CHD3: variants seen among roughly 807,000 people sequenced by gnomAD.
CHD3 encodes the protein chromodomain helicase DNA binding protein 3.
Under a neutral mutation model 248.9 loss-of-function variants are expected in CHD3, and 52 were observed. The observed-to-expected ratio is 0.21, with a 90% CI of 0.17 to 0.26. The LOEUF is 0.26. CHD3 is among the 10% of genes least tolerant of loss of function. The pLI, the probability that CHD3 is intolerant of heterozygous loss-of-function variation, is 1.00. For synonymous variants in CHD3, 985 were observed against 985.2 expected (o/e 1.00, Z 0.00); for missense variants, 1,482 against 2,605.8 (o/e 0.57, Z 9.39).
chr17:7,897,317 G>T lies in CHD3; in HGVS notation c.1919+23G>T, dbSNP rs1969806290. ...CAGGTGAATCCTCGGTCCCTGGGAA[G>T]TCAGACCTGGTATATGACATTATTC... On this transcript the variant is annotated intron_variant, in intron 11 of 39. Coordinates refer to ENST00000330494, the MANE Select transcript of CHD3 (RefSeq NM_001005273.3). The surrounding 1 kb of genome is among the most constrained non-coding windows in gnomAD (Gnocchi z 4.8). The T allele has an allele frequency of 6.3e-7, 1 of 1,585,142 alleles. No homozygotes were observed. Among genetic ancestry groups the T allele is most frequent in the South Asian group, 1.1e-5 (1 of 90,502 alleles).
In CHD3 at chr17:7,907,701, A is replaced by T; in HGVS notation, c.5025A>T (p.Arg1675Ser). ...PEGETGDLGKREDVKGDRELR... is the reference protein window; with the variant it reads ...PEGETGDLGKSEDVKGDRELR... The stretch of plus-strand genomic sequence containing the variant: ...GGGAAACAGGGGATTTGGGCAAGAG[A>T]GGTAATGGGTGGAAGGGACCGGACA... The change falls in exon 33 of 40, where the codon AGA (arginine) becomes AGT (serine). Residue 1675 changes from arginine to serine, a missense_variant and splice_region_variant. By Grantham distance (110) the Arg-to-Ser change is moderately radical. Coordinates refer to ENST00000330494, the MANE Select transcript of CHD3 (RefSeq NM_001005273.3). The surrounding 1 kb of genome is among the most constrained non-coding windows in gnomAD (Gnocchi z 4.3). The T allele has an allele frequency of 6.5e-7, 1 of 1,529,586 alleles. No homozygotes were observed. The highest frequency in any genetic ancestry group is 8.7e-7 in the Non-Finnish European group (1 of 1,144,028). 94.8% of individuals were successfully genotyped at this position (1,529,586 alleles called of 1,614,324 possible).
upstream of CHD3, among the ~76,000 whole-genome samples, chr17:7,886,405 C>CT (rs1967957519): frequency 6.6e-6 from 1 of 152,240 alleles, no homozygotes; most frequent in Non-Finnish European, 1.5e-5. This position sits in a 1 kb window ranked among gnomAD's most constrained non-coding sequence, Gnocchi z 4.2. Flanking sequence ...GGGCCTCTGG[C>CT]TGCCATGCGG....
In CHD3 at chr17:7,907,722, G is replaced by C. The variant is rs202073230; in HGVS notation, c.5026+20G>C. On this transcript the variant is annotated intron_variant, in intron 33 of 39. Coordinates refer to ENST00000330494, the MANE Select transcript of CHD3 (RefSeq NM_001005273.3). The surrounding 1 kb of genome is among the most constrained non-coding windows in gnomAD (Gnocchi z 4.3). Reference sequence around the variant, plus strand: ...AGAGAGGTAATGGGTGGAAGGGACCGGACACCTGGGTCCCAGAGGGCATCA... The same window carrying C: ...AGAGAGGTAATGGGTGGAAGGGACCCGACACCTGGGTCCCAGAGGGCATCA... 3 of 1,517,318 alleles carry C rather than the reference G, an allele frequency of 2.0e-6. No homozygotes were observed. The East Asian group carries it at 7.2e-5, about 36-fold the overall frequency. The allele number at this position is 1,517,318 out of a possible 1,614,324, so 94.0% of individuals were successfully genotyped here.
rs1001903950 is a variant in CHD3 at position 7,909,595 on chromosome 17, C to A, written c.5590+257C>A. ...AGGGACCTGCCCCAGCCTCTGTGTC[C>A]CCTCCACACAGTGGGGCCTCTTCAC... On this transcript the variant is annotated intron_variant, in intron 37 of 39. Transcript: ENST00000330494. The surrounding 1 kb of genome is among the most constrained non-coding windows in gnomAD (Gnocchi z 8.1). The A allele has an allele frequency of 7.4e-6, 4 of 540,786 alleles. No individual in the cohort carries two copies. In the East Asian group the frequency reaches 1.3e-4, roughly 17 times the overall value. The allele number at this position is 540,786 out of a possible 1,614,324, so 33.5% of individuals were successfully genotyped here.
At position 7,906,328 on chromosome 17, in the gene CHD3, G is replaced by A; in HGVS notation, c.4359-225G>A. 1 of 676,354 alleles carries A rather than the reference G, an allele frequency of 1.5e-6. No homozygotes were observed. Among genetic ancestry groups the A allele is most frequent in the Non-Finnish European group, 2.6e-6 (1 of 379,066 alleles). The allele number at this position is 676,354 out of a possible 1,614,324, so 41.9% of individuals were successfully genotyped here. On this transcript the variant is annotated intron_variant, in intron 28 of 39. Transcript: ENST00000330494. This position sits in a 1 kb window ranked among gnomAD's most constrained non-coding sequence, Gnocchi z 5.0. ...TGAAGAGCTGACTGATGGGGCCCAG[G>A]AATTAAGTACCAAGGCCAAAGGGAA...
Position 7,909,248 on chromosome 17 carries a change from G to A in CHD3, c.5500G>A (p.Ala1834Thr), listed in dbSNP as rs755801203. The A allele has an allele frequency of 9.1e-5, 142 of 1,553,492 alleles. No homozygotes were observed. The highest frequency in any genetic ancestry group is 1.2e-4 in the Non-Finnish European group (134 of 1,149,810). Reference protein sequence around the residue: ...HPAMALHARFAEAECLAESHQ... With the variant: ...HPAMALHARFTEAECLAESHQ... Reference sequence around the variant, plus strand: ...CGCCATGGCCCTCCACGCCCGCTTCGCCGAGGCCGAGTGCCTGGCCGAGAG... The same window carrying A: ...CGCCATGGCCCTCCACGCCCGCTTCACCGAGGCCGAGTGCCTGGCCGAGAG... The change falls in exon 37 of 40, where the codon GCC (alanine) becomes ACC (threonine). Residue 1834 changes from alanine (A) to threonine (T), a missense_variant. Around this residue, in one of 20 missense-constraint regions of CHD3, gnomAD observed 83 missense variants for 181.0 expected, o/e 0.46. Coordinates refer to ENST00000330494, the MANE Select transcript of CHD3 (RefSeq NM_001005273.3). The surrounding 1 kb of genome is among the most constrained non-coding windows in gnomAD (Gnocchi z 8.1).
Position 7,910,860 on chromosome 17 carries a change from G to C in CHD3, c.5768G>C (p.Gly1923Ala). 6.2e-7 allele frequency: 1 copy of C among 1,605,596 alleles called. No homozygotes were observed. Residue 1923 changes from glycine to alanine, a missense_variant, in exon 39 of 40, where the codon GGT (glycine) becomes GCT (alanine). Physicochemically the swap from Gly to Ala is moderately conservative, Grantham distance 60. Coordinates refer to ENST00000330494, the MANE Select transcript of CHD3 (RefSeq NM_001005273.3). This position sits in a 1 kb window ranked among gnomAD's most constrained non-coding sequence, Gnocchi z 4.7. ...TCTCTGTTCCAGGCCTACCCGCCGG[G>C]TCCCTACGCTACACCTCCGGGGTAC... The part of the protein sequence containing the change: ...EPHPTPAYPP[G>A]PYATPPGYGA...
chr17:7,890,467 A>G (rs953247007), intron 2 of CHD3, 104 bp from the exon 3 acceptor site: 41 of 798,830 alleles, frequency 5.1e-5, no homozygotes, highest in African/African-American at 3.6e-4. Flanking sequence ...TTACTATCAC[A>G]GGATTGTTGT....
At position 7,889,911 on chromosome 17, in the gene CHD3, C is replaced by A; in HGVS notation, c.213+135C>A. ...AGGGAGGCTTGATCCCCCGGGCCCC[C>A]CACTTCCCTGCCACTGTTGGCCTGT... is the stretch of plus-strand genomic sequence containing the variant. On this transcript the variant is annotated intron_variant, in intron 2 of 39. Transcript: ENST00000330494. The surrounding 1 kb of genome is among the most constrained non-coding windows in gnomAD (Gnocchi z 4.5). The A allele has an allele frequency of 1.3e-6, 1 of 789,962 alleles. No individual in the cohort carries two copies. The highest frequency in any genetic ancestry group is 2.0e-6 in the Non-Finnish European group (1 of 490,326). The allele number at this position is 789,962 out of a possible 1,614,324, so 48.9% of individuals were successfully genotyped here.
At chr17:7,886,521 C>T (rs1967976102), upstream of CHD3, among the ~76,000 whole-genome samples, 1 of 152,178 alleles carries the variant, frequency 6.6e-6, no homozygotes. This position sits in a 1 kb window ranked among gnomAD's most constrained non-coding sequence, Gnocchi z 4.2. Flanking sequence ...GCCGAGACGA[C>T]CTTTGGGGGA....
In CHD3 at chr17:7,899,650, T is replaced by G. The variant is rs28391687; in HGVS notation, c.2544+107T>G. The G allele has an allele frequency of 0.048, 56,854 of 1,185,748 alleles. 1,594 individuals are homozygous for G. The highest frequency in any genetic ancestry group is 0.057 in the Non-Finnish European group (46,722 of 825,682). The allele number at this position is 1,185,748 out of a possible 1,614,324, so 73.5% of individuals were successfully genotyped here. A position where few individuals can be genotyped will look rare whatever the true frequency, so the allele number is the denominator to read the frequency against. ...CCCCTCCTCACCTTTCTCCTCTTCC[T>G]CCACCTGTCCTCCTGTCTCTGCACT... On this transcript the variant is annotated intron_variant, in intron 15 of 39. Transcript: ENST00000330494. This position sits in a 1 kb window ranked among gnomAD's most constrained non-coding sequence, Gnocchi z 6.8.
At position 7,906,824 on chromosome 17, in the gene CHD3, A is replaced by G; in HGVS notation, c.4504-45A>G. On this transcript the variant is annotated intron_variant, in intron 29 of 39. Transcript: ENST00000330494. This position sits in a 1 kb window ranked among gnomAD's most constrained non-coding sequence, Gnocchi z 5.0. The stretch of plus-strand genomic sequence containing the variant: ...GAGGAGACTGGAGCTTCCTGTCTGT[A>G]AGCGCCTGGAGCTGACACCTAACCC... The G allele has an allele frequency of 6.2e-7, 1 of 1,609,604 alleles. No individual in the cohort carries two copies. Among genetic ancestry groups the G allele is most frequent in the Non-Finnish European group, 8.5e-7 (1 of 1,177,280 alleles).
rs1354323401 is a variant in CHD3 at position 7,907,021 on chromosome 17, C to T, written c.4656C>T (p.Thr1552=). The T allele has an allele frequency of 1.2e-6, 2 of 1,614,082 alleles. No homozygotes were observed. The highest frequency in any genetic ancestry group is 2.2e-5 in the East Asian group (1 of 44,894). ...PEASATNSPC[T]SKPATPAPSE... The stretch of plus-strand genomic sequence containing the variant: ...CTTCTGCTACCAACAGTCCCTGCAC[C>T]TCTAAACCTGGTAATCAGAAGTCAG... The change falls in exon 30 of 40, where the codon ACC becomes ACT. Residue 1552 remains threonine (T), a synonymous_variant. Coordinates refer to ENST00000330494, the MANE Select transcript of CHD3 (RefSeq NM_001005273.3). The surrounding 1 kb of genome is among the most constrained non-coding windows in gnomAD (Gnocchi z 4.3).
At position 7,899,053 on chromosome 17, in the gene CHD3, A is replaced by G; in HGVS notation, c.2194A>G (p.Thr732Ala). The stretch of plus-strand genomic sequence containing the variant: ...GACTCAGCCACGGTTTATCACAGCC[A>G]CTGGAGGCACCCTGCACATGTATCA... ...YETQPRFITATGGTLHMYQLE... is the reference protein window; with the variant it reads ...YETQPRFITAAGGTLHMYQLE... The change falls in exon 14 of 40, where the codon ACT (threonine) becomes GCT (alanine). Residue 732 changes from threonine (T) to alanine (A), a missense_variant. Around this residue, in one of 20 missense-constraint regions of CHD3, gnomAD observed 127 missense variants for 188.3 expected, o/e 0.67. Transcript: ENST00000330494. The surrounding 1 kb of genome is among the most constrained non-coding windows in gnomAD (Gnocchi z 6.8). 1 of 1,614,112 alleles carries G rather than the reference A, an allele frequency of 6.2e-7. No individual in the cohort carries two copies. The highest frequency in any genetic ancestry group is 1.1e-5 in the South Asian group (1 of 91,084).
intron 8 of CHD3, 110 bp downstream of exon 8, chr17:7,894,718 C>A: frequency 7.5e-7 from 1 of 1,341,312 alleles, no homozygotes; most frequent in Non-Finnish European, 1.0e-6. Context: ...TTCTTAGTAA[C>A]AGATGTCCGA....
rs1296769852 is a variant in CHD3, at chr17:7,906,923, G to C, written c.4558G>C (p.Asp1520His). ...TTGGTCAATGCCGGAACTGATGCCTGACCCCAGCGCCGATTCTAAGCGCTC... is the reference window on the plus strand; with the variant it reads ...TTGGTCAATGCCGGAACTGATGCCTCACCCCAGCGCCGATTCTAAGCGCTC... ...GRWSMPELMP[D>H]PSADSKRSSR... The change falls in exon 30 of 40, where the codon GAC becomes CAC. Residue 1520 changes from aspartate (D) to histidine (H), a missense_variant. Physicochemically the swap from Asp to His is moderately conservative, Grantham distance 81. Transcript: ENST00000330494. The surrounding 1 kb of genome is among the most constrained non-coding windows in gnomAD (Gnocchi z 5.0). 6.2e-7 allele frequency: 1 copy of C among 1,614,114 alleles called. No homozygotes were observed. The highest frequency in any genetic ancestry group is 1.7e-5 in the Admixed American group (1 of 60,026).
At position 7,904,280 on chromosome 17, in the gene CHD3, G is replaced by T; in HGVS notation, c.3895-162G>T. On this transcript the variant is annotated intron_variant, in intron 24 of 39. Coordinates refer to ENST00000330494, the MANE Select transcript of CHD3 (RefSeq NM_001005273.3). The surrounding 1 kb of genome is among the most constrained non-coding windows in gnomAD (Gnocchi z 4.4). Reference sequence around the variant, plus strand: ...GAGAGCACATTGCAGGTAAGAGATGGCATGGAACATGCGCAATGTCCAGAA... The same window carrying T: ...GAGAGCACATTGCAGGTAAGAGATGTCATGGAACATGCGCAATGTCCAGAA... The T allele has an allele frequency of 1.5e-6, 1 of 663,170 alleles. No homozygotes were observed. The highest frequency in any genetic ancestry group is 2.6e-6 in the Non-Finnish European group (1 of 383,100). 41.1% of individuals were successfully genotyped at this position (663,170 alleles called of 1,614,324 possible). A position where few individuals can be genotyped will look rare whatever the true frequency, so the allele number is the denominator to read the frequency against.
rs374961455 is a variant in CHD3 at position 7,894,095 on chromosome 17, G to T, written c.925-20G>T. On this transcript the variant is annotated intron_variant, in intron 6 of 39. Coordinates refer to ENST00000330494, the MANE Select transcript of CHD3 (RefSeq NM_001005273.3). ...GTAGAATGAAGTCTGCCTCACTGAC[G>T]GCCACGGGGCTATGGGCAGTATGTT... 1 of 1,605,450 alleles carries T rather than the reference G, an allele frequency of 6.2e-7. No homozygotes were observed. Among genetic ancestry groups the T allele is most frequent in the Admixed American group, 1.7e-5 (1 of 59,020 alleles).
chr17:7,891,995 T>G (rs1968937166), intron 4 of CHD3, among the ~76,000 whole-genome samples: 1 of 152,182 alleles, frequency 6.6e-6, no homozygotes, highest in Admixed American at 6.5e-5. Context: ...GTGACTGAAC[T>G]TCTTCAATCC....
Sources: allele counts gnomAD v4.1 joint callset (sites outside exome capture counted in the v4.1 genomes callset), GRCh38; gene constraint gnomAD v4.1.1; regional missense constraint gnomAD v4.1.1; non-coding constraint Gnocchi (gnomAD v3.1); transcripts MANE v1.5; gene names NCBI Gene and HGNC (gene_info 2026-07-23, HGNC 2026-07-21).